The following ULK4 variants were observed in gnomAD, a reference collection of about 807,000 sequenced individuals.
The protein encoded by ULK4 is inactive serine/threonine-protein kinase ULK4.
A neutral mutation model predicts 160.6 loss-of-function variants in ULK4; 133 were observed. That is an observed-to-expected ratio of 0.83 (90% CI 0.72 to 0.96). ULK4 has a LOEUF of 0.96. ULK4 is among the 40% of genes least tolerant of loss of function. The probability of loss-of-function intolerance (pLI) is 0.00; values close to 1 mark genes in which losing one functional copy is unlikely to be tolerated. For synonymous variants in ULK4, 534 were observed against 539.8 expected, an observed-to-expected ratio of 0.99 and a Z score of 0.15; for missense variants, 1,580 against 1,499.5, an observed-to-expected ratio of 1.05 and a Z score of -0.89.
At chr3:41,864,346 C>CTGTTTTGTTT (rs10535539) in intron 17 of ULK4, among the ~76,000 whole-genome samples, 68 of 149,806 alleles carry the variant, frequency 4.5e-4, no homozygotes, top group Middle Eastern at 3.4e-3. Flanking sequence ...CAATTCAGAA[C>CTGTTTTGTTT]TGTTTTGTTT....
chr3:41,643,173 T>G (rs2034313614), intron 30 of ULK4, among the ~76,000 whole-genome samples: 1 of 152,204 alleles, frequency 6.6e-6, no homozygotes, highest in African/African-American at 2.4e-5. Context: ...TTTCTTTTGC[T>G]GTGCAGAAGC....
intron 32 of ULK4, among the ~76,000 whole-genome samples, chr3:41,471,356 A>T (rs549456968): frequency 2.7e-4 from 41 of 152,298 alleles, no homozygotes; most frequent in Middle Eastern, 3.4e-3. Context: ...TATAAAGCAA[A>T]TACTAAAGGA....
chr3:41,388,818 A>G (rs1218281184), intron 35 of ULK4, among the ~76,000 whole-genome samples: 1 of 152,184 alleles, frequency 6.6e-6, no homozygotes, highest in Non-Finnish European at 1.5e-5. Flanking sequence ...TGATCCCTCC[A>G]GCTTTGTTCT....
chr3:41,647,633 G>C (rs965692667), intron 30 of ULK4, among the ~76,000 whole-genome samples: 1 of 152,208 alleles, frequency 6.6e-6, no homozygotes, highest in African/African-American at 2.4e-5. Context: ...TAGGCTGCTT[G>C]GGGGTCAGGG....
chr3:41,398,284 A>C lies in ULK4; in HGVS notation c.3493-20T>G. ...AGGAAGCTGAAAATTAACAAATAAG[A>C]CTATTTAAATTTCCTTGAAGACGGT... On this transcript the variant is annotated intron_variant, in intron 34 of 36. Coordinates refer to ENST00000301831, the MANE Select transcript of ULK4 (RefSeq NM_017886.4). 1 of 1,605,684 alleles carries C rather than the reference A, an allele frequency of 6.2e-7. No homozygotes were observed. Among genetic ancestry groups the C allele is most frequent in the Non-Finnish European group, 8.5e-7 (1 of 1,177,754 alleles).
intron 29 of ULK4, among the ~76,000 whole-genome samples, chr3:41,672,634 A>G (rs2035579211): frequency 6.6e-6 from 1 of 152,186 alleles, no homozygotes; most frequent in African/African-American, 2.4e-5. Flanking sequence ...ACTCTTTGAT[A>G]GAGAAGCAGA....
intron 32 of ULK4, among the ~76,000 whole-genome samples, chr3:41,508,964 C>T (rs767146303): frequency 5.9e-5 from 9 of 152,012 alleles, no homozygotes; most frequent in African/African-American, 1.9e-4. Flanking sequence ...GGATCCAAAC[C>T]AAGATGAAAT....
intron 35 of ULK4, among the ~76,000 whole-genome samples, chr3:41,394,553 T>A (rs1575507445): frequency 1.3e-5 from 2 of 152,254 alleles, no homozygotes; most frequent in African/African-American, 4.8e-5. Flanking sequence ...ATTTAATATC[T>A]CACGTAATTT....
intron 21 of ULK4, among the ~76,000 whole-genome samples, chr3:41,756,336 G>C (rs1325501555): frequency 6.6e-6 from 1 of 152,100 alleles, no homozygotes. Context: ...TTTAGCCACA[G>C]TGGATCCTCT....
At chr3:41,646,000 G>A (rs193077174) in intron 30 of ULK4, among the ~76,000 whole-genome samples, 3 of 152,182 alleles carry the variant, frequency 2.0e-5, no homozygotes, top group Non-Finnish European at 4.4e-5. Context: ...TTTTATCAGA[G>A]ACTAGGATTG....
intron 7 of ULK4, among the ~76,000 whole-genome samples, chr3:41,918,056 G>A (rs1699035215): frequency 6.6e-6 from 1 of 151,912 alleles, no homozygotes; most frequent in Non-Finnish European, 1.5e-5. Context: ...ACTTATAAGG[G>A]TAGCATTCTG....
At chr3:41,535,558 T>C (rs982524342) in intron 32 of ULK4, among the ~76,000 whole-genome samples, 9 of 152,224 alleles carry the variant, frequency 5.9e-5, no homozygotes, top group African/African-American at 2.2e-4. Flanking sequence ...AACCAATGAT[T>C]GAGGCAGAAT....
intron 21 of ULK4, among the ~76,000 whole-genome samples, chr3:41,783,197 G>A (rs1180971147): frequency 7.6e-6 from 1 of 131,884 alleles, no homozygotes; most frequent in East Asian, 2.0e-4. Context: ...TTGGCCTTTG[G>A]TGTTCTGATT....
At chr3:41,567,668 T>C (rs548548389) in intron 31 of ULK4, among the ~76,000 whole-genome samples, 1 of 152,190 alleles carries the variant, frequency 6.6e-6, no homozygotes, top group South Asian at 2.1e-4. Context: ...TTTGACTGTG[T>C]TGGCCAGGAT....
chr3:41,723,386 C>T (rs1460784366), intron 22 of ULK4, among the ~76,000 whole-genome samples: 5 of 151,972 alleles, frequency 3.3e-5, no homozygotes, highest in Admixed American at 3.3e-4. Flanking sequence ...CTTCTTTATC[C>T]TCTTTCTTCC....
chr3:41,565,083 C>T (rs2087739563), intron 32 of ULK4, among the ~76,000 whole-genome samples: 1 of 152,154 alleles, frequency 6.6e-6, no homozygotes, highest in Non-Finnish European at 1.5e-5. Flanking sequence ...AGTCTACGGG[C>T]AATAGGCAAT....
intron 1 of ULK4, among the ~76,000 whole-genome samples, chr3:41,960,727 C>T (rs1700635329): frequency 1.3e-5 from 2 of 152,178 alleles, no homozygotes; most frequent in Admixed American, 1.3e-4. Flanking sequence ...TTCTTTGACT[C>T]AGTCCAAACA....
chr3:41,468,533 C>T (rs560410852), intron 32 of ULK4, among the ~76,000 whole-genome samples: 5 of 152,282 alleles, frequency 3.3e-5, no homozygotes, highest in South Asian at 2.1e-4. Context: ...GGTTTCCGCA[C>T]GTTCCACAGA....
intron 35 of ULK4, among the ~76,000 whole-genome samples, chr3:41,282,560 T>G (rs2079379541): frequency 6.6e-6 from 1 of 152,250 alleles, no homozygotes; most frequent in Non-Finnish European, 1.5e-5. Flanking sequence ...AAGGATTCCC[T>G]ATTTAATAAA....
Sources: gnomAD v4.1 joint callset for allele counts (sites outside exome capture counted in the v4.1 genomes callset) on GRCh38, gnomAD v4.1.1 for gene constraint, MANE v1.5 for transcripts, NCBI Gene and HGNC (gene_info 2026-07-23, HGNC 2026-07-21) for gene names.